The following MAP4K4 variants were observed in gnomAD, a reference collection of about 807,000 sequenced individuals.
MAP4K4 encodes HPK/GCK-like kinase HGK.
Under a neutral mutation model 189.6 loss-of-function variants are expected in MAP4K4, and 38 were observed. The ratio of observed to expected loss-of-function variants is 0.20; its 90% confidence interval spans 0.15 to 0.26. MAP4K4 has a LOEUF of 0.26. Among genes scored for constraint, MAP4K4 ranks in the 10% least tolerant of loss-of-function variants. MAP4K4 has a pLI of 1.00. For synonymous variants in MAP4K4, 610 were observed against 624.3 expected (o/e 0.98, Z 0.34); for missense variants, 1,054 against 1,726.9 (o/e 0.61, Z 6.91).
At chr2:101,752,005 T>C (rs1361541335) in intron 2 of MAP4K4, among the ~76,000 whole-genome samples, 1 of 152,170 alleles carries the variant, frequency 6.6e-6, no homozygotes, top group African/African-American at 2.4e-5. Context: ...CTGATCCTCA[T>C]AGAGCAGGTG....
At chr2:101,782,326 A>G (rs563566667) in intron 2 of MAP4K4, among the ~76,000 whole-genome samples, 2 of 152,292 alleles carry the variant, frequency 1.3e-5, no homozygotes, top group African/African-American at 4.8e-5. Context: ...ATTGCCTGCA[A>G]TTGAGGTATA....
At chr2:101,829,617 G>A (rs780814763) in intron 6 of MAP4K4, 23 bp downstream of exon 6, 2 of 1,560,066 alleles carry the variant, frequency 1.3e-6, no homozygotes, top group Non-Finnish European at 1.8e-6. Flanking sequence ...TGTGCGGCGT[G>A]ATCTCATAAT....
intron 6 of MAP4K4, 84 bp from the exon 7 acceptor site, chr2:101,831,637 T>C: frequency 2.1e-6 from 3 of 1,420,886 alleles, no homozygotes; most frequent in Non-Finnish European, 2.9e-6. Context: ...TATGAAGACA[T>C]TTCCTCCTTG....
chr2:101,839,746 C>G, intron 9 of MAP4K4, 73 bp from the exon 10 acceptor site: 1 of 1,149,020 alleles, frequency 8.7e-7, no homozygotes, highest in African/African-American at 1.6e-5. Context: ...TATGTTGAGG[C>G]TTGTAAGTTA....
At chr2:101,731,628 T>G (rs1296707062) in intron 2 of MAP4K4, among the ~76,000 whole-genome samples, 1 of 151,822 alleles carries the variant, frequency 6.6e-6, no homozygotes, top group African/African-American at 2.4e-5. Context: ...GGCGTCATGG[T>G]GTACACCAGC....
At chr2:101,848,862 C>T (rs991980024) in intron 12 of MAP4K4, among the ~76,000 whole-genome samples, 1 of 152,030 alleles carries the variant, frequency 6.6e-6, no homozygotes, top group African/African-American at 2.4e-5. Context: ...AGTTTGTCTC[C>T]CGGTTTTGCT....
At chr2:101,760,444 G>A (rs2075747371) in intron 2 of MAP4K4, among the ~76,000 whole-genome samples, 1 of 148,310 alleles carries the variant, frequency 6.7e-6, no homozygotes, top group African/African-American at 2.5e-5. Flanking sequence ...AGCTGAGATT[G>A]TGCCACTGCA....
intron 2 of MAP4K4, among the ~76,000 whole-genome samples, chr2:101,739,097 C>T (rs945757282): frequency 2.0e-5 from 3 of 152,058 alleles, no homozygotes; most frequent in South Asian, 2.1e-4. Context: ...CTGTGACTTA[C>T]GAATAGTACA....
At chr2:101,734,746 G>C (rs2059730530) in intron 2 of MAP4K4, among the ~76,000 whole-genome samples, 1 of 152,142 alleles carries the variant, frequency 6.6e-6, no homozygotes, top group African/African-American at 2.4e-5. Flanking sequence ...TTGAGAGAGA[G>C]ATTGCGGCAG....
chr2:101,843,940 T>C (rs1234494189), intron 11 of MAP4K4, among the ~76,000 whole-genome samples, 161 bp from the exon 12 acceptor site: 3 of 152,194 alleles, frequency 2.0e-5, no homozygotes, highest in Admixed American at 6.5e-5. Context: ...GACTATTGAA[T>C]TGTAGATATA....
intron 2 of MAP4K4, among the ~76,000 whole-genome samples, chr2:101,788,866 TG>T (rs2092294789): frequency 1.3e-5 from 2 of 151,118 alleles, no homozygotes; most frequent in South Asian, 2.1e-4. Flanking sequence ...TGTTAAGATT[TG>T]TTTGAAAAAA....
At chr2:101,716,808 T>C (rs1433409574) in intron 2 of MAP4K4, among the ~76,000 whole-genome samples, 1 of 152,216 alleles carries the variant, frequency 6.6e-6, no homozygotes, top group Non-Finnish European at 1.5e-5. Context: ...TGACTTGGGT[T>C]GGCCGACTTT....
intron 2 of MAP4K4, among the ~76,000 whole-genome samples, chr2:101,720,657 C>A (rs2051340772): frequency 6.6e-6 from 1 of 152,298 alleles, no homozygotes; most frequent in South Asian, 2.1e-4. Flanking sequence ...CAAAATACAA[C>A]ACTTTTACTG....
chr2:101,835,701 TG>T (rs1434305536), intron 8 of MAP4K4, among the ~76,000 whole-genome samples, 198 bp from the exon 9 acceptor site: 2 of 152,226 alleles, frequency 1.3e-5, no homozygotes, highest in African/African-American at 4.8e-5. Context: ...TTGTTGCTCT[TG>T]TCCTCCCACT....
exon 14 of MAP4K4, chr2:101,859,037 G>C: frequency 6.2e-7 from 1 of 1,612,240 alleles, no homozygotes; most frequent in South Asian, 1.1e-5. Context: ...AGCGGCACTT[G>C]GAAGTCCTTC....
At chr2:101,806,309 T>A (rs1469611388) in intron 3 of MAP4K4, among the ~76,000 whole-genome samples, 2 of 151,844 alleles carry the variant, frequency 1.3e-5, no homozygotes, top group Non-Finnish European at 2.9e-5. Flanking sequence ...CTTTCTTTCG[T>A]GAATGAGTGA....
At chr2:101,720,932 C>G (rs2051518433) in intron 2 of MAP4K4, among the ~76,000 whole-genome samples, 1 of 150,792 alleles carries the variant, frequency 6.6e-6, no homozygotes, top group Admixed American at 6.6e-5. Context: ...ATTTTTAATA[C>G]TTCATTTTTC....
At chr2:101,698,647 A>C in intron 2 of MAP4K4, 109 bp downstream of exon 2, 2 of 1,014,998 alleles carry the variant, frequency 2.0e-6, no homozygotes, top group Non-Finnish European at 3.1e-6. Flanking sequence ...CCGCTTGGCC[A>C]AAGTTGGGAG....
chr2:101,726,055 C>G (rs956906931), intron 2 of MAP4K4, among the ~76,000 whole-genome samples: 2 of 152,170 alleles, frequency 1.3e-5, no homozygotes, highest in Non-Finnish European at 2.9e-5. Flanking sequence ...TCACCGCTTC[C>G]TCAGGTTGGG....
Sources: gnomAD v4.1 joint callset for allele counts (sites outside exome capture counted in the v4.1 genomes callset) on GRCh38, gnomAD v4.1.1 for gene constraint, MANE v1.5 for transcripts, NCBI Gene and HGNC (gene_info 2026-07-23, HGNC 2026-07-21) for gene names.